Variants in ITPA observed in about 807,000 individuals in gnomAD.
ITPA encodes inosine triphosphate pyrophosphatase.
Under a neutral mutation model 29.6 loss-of-function variants are expected in ITPA, and 29 were observed. That is an observed-to-expected ratio of 0.98 (90% CI 0.73 to 1.34). The LOEUF is 1.34. Ranked by LOEUF, ITPA falls within the 40% of genes most tolerant of loss-of-function variation. The pLI, the probability that ITPA is intolerant of heterozygous loss-of-function variation, is 0.00. For synonymous variants in ITPA, 103 were observed against 99.3 expected (o/e 1.04, Z -0.22); for missense variants, 241 against 251.5 (o/e 0.96, Z 0.28).
upstream of ITPA, chr20:3,209,180 G>T (rs377348304): frequency 5.8e-4 from 217 of 373,428 alleles, 4 homozygotes; most frequent in South Asian, 4.6e-3. This position sits in a 1 kb window ranked among gnomAD's most constrained non-coding sequence, Gnocchi z 4.6. Flanking sequence ...AGACAGCATA[G>T]GAGAGCGCAA....
At chr20:3,211,179 T>C (rs1367446044) in intron 1 of ITPA, among the ~76,000 whole-genome samples, 1 of 150,358 alleles carries the variant, frequency 6.7e-6, no homozygotes, top group African/African-American at 2.4e-5. Flanking sequence ...TTTTTTTTTT[T>C]CTTTGAGACA....
rs1190159408 is a variant in ITPA, at chr20:3,217,070, A to G, written c.296-1447A>G. Among the ~76,000 whole-genome samples the G allele has an allele frequency of 2.6e-5, 4 of 151,830 alleles. No individual in the cohort carries two copies. In the East Asian group the frequency reaches 7.8e-4, roughly 30 times the overall value. On this transcript the variant is annotated intron_variant, in intron 5 of 7. Transcript: ENST00000380113. Reference sequence around the variant, plus strand: ...TAATTTTTGTATTTTTAGTAGAGACAGGGTTTCACCACGTTGGCCATGCTG... The same window carrying G: ...TAATTTTTGTATTTTTAGTAGAGACGGGGTTTCACCACGTTGGCCATGCTG...
At chr20:3,226,604 G>A (rs1044164607), downstream of ITPA, among the ~76,000 whole-genome samples, 11 of 152,160 alleles carry the variant, frequency 7.2e-5, no homozygotes, top group South Asian at 4.1e-4. This position sits in a 1 kb window ranked among gnomAD's most constrained non-coding sequence, Gnocchi z 4.4. Context: ...CCCTGTTCAC[G>A]GCCTCTGCCT....
chr20:3,212,536 G>A (rs1416899307), intron 1 of ITPA, among the ~76,000 whole-genome samples: 1 of 152,144 alleles, frequency 6.6e-6, no homozygotes, highest in Admixed American at 6.5e-5. Context: ...GCTCAAGCTA[G>A]TCTCAAACTT....
At position 3,209,591 on chromosome 20, in the gene ITPA, A is replaced by G; in HGVS notation, c.40A>G (p.Thr14Ala). 1 of 1,614,034 alleles carries G rather than the reference A, an allele frequency of 6.2e-7. No individual in the cohort carries two copies. The highest frequency in any genetic ancestry group is 8.5e-7 in the Non-Finnish European group (1 of 1,179,996). The change falls in exon 1 of 8, where the codon ACG becomes GCG. Residue 14 changes from threonine to alanine, a missense_variant. Thr to Ala is a moderately conservative substitution (Grantham distance 58, BLOSUM62 0). Transcript: ENST00000380113. This position sits in a 1 kb window ranked among gnomAD's most constrained non-coding sequence, Gnocchi z 4.6. ...SLVGKKIVFV[T>A]GNAKKLEEVV... ...GGTGGGGAAGAAGATCGTGTTTGTA[A>G]CGGGGAACGCCAAGAAGCTGGAGGA...
At chr20:3,217,017 A>ATTTTT (rs1314859165) in intron 5 of ITPA, among the ~76,000 whole-genome samples, 2 of 152,066 alleles carry the variant, frequency 1.3e-5, no homozygotes, top group Admixed American at 1.3e-4. Context: ...AGTAGCTGGG[A>ATTTTT]TTACAGGTGC....
chr20:3,213,484 T>C, intron 3 of ITPA, 101 bp downstream of exon 3: 1 of 1,441,310 alleles, frequency 6.9e-7, no homozygotes, highest in Non-Finnish European at 9.7e-7. Flanking sequence ...TTTGTTGAGC[T>C]TTCTAGGACC....
At chr20:3,210,148 TA>T (rs1301225496) in intron 1 of ITPA, among the ~76,000 whole-genome samples, 1 of 151,868 alleles carries the variant, frequency 6.6e-6, no homozygotes, top group Non-Finnish European at 1.5e-5. Context: ...AGAGGAGGAG[TA>T]AAGGAGGCAG....
chr20:3,215,104 C>G, intron 4 of ITPA, 177 bp from the exon 5 acceptor site: 1 of 640,692 alleles, frequency 1.6e-6, no homozygotes, highest in Non-Finnish European at 2.8e-6. Context: ...TGAGCTCAAG[C>G]GATCCGCCTG....
chr20:3,218,431 C>T (rs2067367032), intron 5 of ITPA, 86 bp from the exon 6 acceptor site: 2 of 968,000 alleles, frequency 2.1e-6, no homozygotes, highest in Admixed American at 3.7e-5. Context: ...GGGAATTCCT[C>T]CCTCCCCACC....
upstream of ITPA, among the ~76,000 whole-genome samples, chr20:3,207,075 T>A (rs937332250): frequency 2.6e-5 from 4 of 152,098 alleles, no homozygotes; most frequent in African/African-American, 9.7e-5. Flanking sequence ...TAATTATAGA[T>A]GTCAGTTGTG....
upstream of ITPA, among the ~76,000 whole-genome samples, chr20:3,204,344 G>A (rs563221987): frequency 9.5e-4 from 144 of 152,188 alleles, no homozygotes; most frequent in South Asian, 1.9e-3. Flanking sequence ...CGAGAGAAAG[G>A]GGTAGCGGCG....
upstream of ITPA, chr20:3,204,467 G>T: frequency 6.8e-7 from 1 of 1,461,812 alleles, no homozygotes; most frequent in South Asian, 1.2e-5. Flanking sequence ...GCCGCGGCGC[G>T]ACGGTCCACA....
chr20:3,218,762 T>C, intron 6 of ITPA, 130 bp downstream of exon 6: 2 of 721,232 alleles, frequency 2.8e-6, no homozygotes, highest in East Asian at 2.7e-5. Flanking sequence ...TGTGCCTTGC[T>C]GAGAGGCTCC....
At position 3,209,638 on chromosome 20, in the gene ITPA, G is replaced by A. The variant is rs746420233; in HGVS notation, c.66+21G>A. The A allele has an allele frequency of 9.3e-6, 15 of 1,610,698 alleles. No homozygotes were observed. In the East Asian group the frequency reaches 2.9e-4, roughly 31 times the overall value. ...AGGAGGTGCCGGGAGGGTGTTGGGG[G>A]CTAACTGGGAGGCGGCTGGGAATAG... is the stretch of plus-strand genomic sequence containing the variant. On this transcript the variant is annotated intron_variant, in intron 1 of 7. Coordinates refer to ENST00000380113, the MANE Select transcript of ITPA (RefSeq NM_033453.4). The surrounding 1 kb of genome is among the most constrained non-coding windows in gnomAD (Gnocchi z 4.6).
intron 5 of ITPA, among the ~76,000 whole-genome samples, chr20:3,218,252 A>G (rs1456905409): frequency 6.6e-6 from 1 of 152,178 alleles, no homozygotes; most frequent in African/African-American, 2.4e-5. Flanking sequence ...GAAATCAAAC[A>G]AGGTCCACAC....
chr20:3,204,390 C>A, upstream of ITPA: 1 of 780,996 alleles, frequency 1.3e-6, no homozygotes, highest in East Asian at 2.7e-5. Flanking sequence ...TGCGGAAGCC[C>A]CACCCGGCAC....
intron 1 of ITPA, among the ~76,000 whole-genome samples, chr20:3,211,008 G>A (rs191172742): frequency 1.3e-5 from 2 of 150,958 alleles, no homozygotes; most frequent in African/African-American, 2.4e-5. Flanking sequence ...CTGAGATGAC[G>A]CCACTGTACT....
In ITPA at chr20:3,223,396, C is replaced by T. The variant is rs145578636; in HGVS notation, c.519C>T (p.Asn173=). Residue 173 remains asparagine, a synonymous_variant, in exon 8 of 8, where the codon AAC becomes AAT. Coordinates refer to ENST00000380113, the MANE Select transcript of ITPA (RefSeq NM_033453.4). ...TYAEMPKAEK[N]AVSHRFRALL... The stretch of plus-strand genomic sequence containing the variant: ...CAGAGATGCCTAAGGCGGAGAAGAA[C>T]GCTGTCTCCCATCGCTTCCGGGCCC... 278 of 1,613,692 alleles carry T rather than the reference C, an allele frequency of 1.7e-4. No homozygotes were observed. The highest frequency in any genetic ancestry group is 2.1e-4 in the Non-Finnish European group (253 of 1,179,920).
Sources: gnomAD v4.1 joint callset for allele counts (sites outside exome capture counted in the v4.1 genomes callset) on GRCh38, gnomAD v4.1.1 for gene constraint, Gnocchi (gnomAD v3.1) non-coding constraint, MANE v1.5 for transcripts, NCBI Gene and HGNC (gene_info 2026-07-23, HGNC 2026-07-21) for gene names.